The following CEP41 variants were observed in gnomAD, a reference collection of about 807,000 sequenced individuals.
CEP41 encodes the protein centrosomal protein of 41 kDa.
In CEP41, 32 loss-of-function variants were observed where a neutral mutation model predicts 44.3. That is an observed-to-expected ratio of 0.72 (90% CI 0.54 to 0.97). CEP41 has a LOEUF of 0.97. Ranked by LOEUF, CEP41 falls within the 50% of genes least tolerant of loss-of-function variation. The pLI is 0.00. For missense variants in CEP41, 432 were observed against 455.2 expected, an observed-to-expected ratio of 0.95 and a Z score of 0.46; for synonymous variants, 151 against 168.5, an observed-to-expected ratio of 0.90 and a Z score of 0.80.
chr7:130,434,704 AAC>A (rs1203332888), intron 1 of CEP41, among the ~76,000 whole-genome samples: 1 of 152,216 alleles, frequency 6.6e-6, no homozygotes, highest in African/African-American at 2.4e-5. Context: ...CAAATAGCAT[AAC>A]ACTATTTTTG....
rs540905883 is a variant in CEP41 at position 130,429,280 on chromosome 7, AGCTGAG to A, written c.34-1268_34-1263del. Reference sequence around the variant, plus strand: ...CGACCATGGCATCTGCTCTCGTGGCAGCTGAGGCTCACCTGGGGCTCAGTTCAAGTT... The same window carrying A: ...CGACCATGGCATCTGCTCTCGTGGCAGCTCACCTGGGGCTCAGTTCAAGTT... On this transcript the variant is annotated intron_variant, in intron 1 of 10. Transcript: ENST00000223208. Among the ~76,000 whole-genome samples, 14 of 152,316 alleles carry A rather than the reference AGCTGAG, an allele frequency of 9.2e-5. No homozygotes were observed. The South Asian group carries it at 2.9e-3, about 32-fold the overall frequency.
chr7:130,412,259 C>T lies in CEP41; in HGVS notation c.146-19G>A. 1 of 1,264,528 alleles carries T rather than the reference C, an allele frequency of 7.9e-7. No homozygotes were observed. The highest frequency in any genetic ancestry group is 1.2e-6 in the Non-Finnish European group (1 of 861,854). 78.3% of individuals were successfully genotyped at this position (1,264,528 alleles called of 1,614,324 possible). ...CTATAATCTGAAAAATATGGTAAGA[C>T]AAGTATTTATCTATTTTGCTTTTTT... On this transcript the variant is annotated intron_variant, in intron 3 of 10. Transcript: ENST00000223208.
intron 2 of CEP41, among the ~76,000 whole-genome samples, chr7:130,417,861 T>A (rs1797380845): frequency 6.6e-6 from 1 of 152,244 alleles, no homozygotes; most frequent in South Asian, 2.1e-4. Context: ...GAGGATCTAG[T>A]CAGATGCAGC....
chr7:130,394,874 C>G lies in CEP41; in HGVS notation c.*4017G>C, dbSNP rs934843838. On this transcript the variant is annotated 3_prime_UTR_variant, in exon 11 of 11. Transcript: ENST00000223208. ...ACATATTGATATCCTTTAAAAGATG[C>G]AGCCCATCCGTCCACAGCATTTGAG... 2.2e-6 allele frequency: 1 copy of G among 454,104 alleles called. No individual in the cohort carries two copies. Among genetic ancestry groups the G allele is most frequent in the African/African-American group, 2.0e-5 (1 of 50,120 alleles). 28.1% of individuals were successfully genotyped at this position (454,104 alleles called of 1,614,324 possible).
At chr7:130,406,832 C>A (rs117660076) in intron 5 of CEP41, among the ~76,000 whole-genome samples, 1 of 146,860 alleles carries the variant, frequency 6.8e-6, no homozygotes, top group East Asian at 2.0e-4. Context: ...GGTGGGGGGA[C>A]GGGGGAGGGA....
At chr7:130,423,337 G>C (rs911106970) in intron 2 of CEP41, among the ~76,000 whole-genome samples, 77 of 152,188 alleles carry the variant, frequency 5.1e-4, no homozygotes, top group African/African-American at 1.4e-3. Flanking sequence ...CTCCATAAGA[G>C]ATATACAAAT....
chr7:130,419,950 TACACACACACAC>T lies in CEP41; in HGVS notation c.98-2996_98-2985del, dbSNP rs138793861. On this transcript the variant is annotated intron_variant, in intron 2 of 10. Transcript: ENST00000223208. ...AAGCCAAGGACTATTTATGGGCACG[TACACACACACAC>T]ACACACACACGTATGAATAATCTTT... is the stretch of plus-strand genomic sequence containing the variant. The T allele has an allele frequency of 4.1e-6, 4 of 969,792 alleles. No individual in the cohort carries two copies. The East Asian group carries it at 3.5e-4, about 84-fold the overall frequency. The allele number at this position is 969,792 out of a possible 1,614,324, so 60.1% of individuals were successfully genotyped here.
At chr7:130,435,664 C>T (rs1554426006) in intron 1 of CEP41, among the ~76,000 whole-genome samples, 1 of 152,192 alleles carries the variant, frequency 6.6e-6, no homozygotes, top group Non-Finnish European at 1.5e-5. Flanking sequence ...TACAGCCTCT[C>T]TGGAAAAGTT....
At chr7:130,415,147 C>T (rs1376610255) in intron 3 of CEP41, among the ~76,000 whole-genome samples, 2 of 152,124 alleles carry the variant, frequency 1.3e-5, no homozygotes, top group African/African-American at 4.8e-5. Flanking sequence ...TTTCAGGGTT[C>T]TGTTGAAATG....
intron 2 of CEP41, among the ~76,000 whole-genome samples, chr7:130,425,112 T>C (rs1009259297): frequency 6.6e-6 from 1 of 152,188 alleles, no homozygotes; most frequent in Non-Finnish European, 1.5e-5. Context: ...TGTTCACTAT[T>C]ACCACAGGAA....
At position 130,399,020 on chromosome 7, in the gene CEP41, G is replaced by A. The variant is rs1554416175; in HGVS notation, c.993C>T (p.Asn331=). 1 of 1,614,146 alleles carries A rather than the reference G, an allele frequency of 6.2e-7. No homozygotes were observed. The highest frequency in any genetic ancestry group is 8.5e-7 in the Non-Finnish European group (1 of 1,180,044). ...ADHPSRLNQA[N]SSGRESKVPG... is the part of the protein sequence containing the mutation. ...GCACCTTGGACTCTCTTCCGGAGGAGTTAGCTTGGTTCAGTCGGCCTGAAG... is the reference window on the plus strand; with the variant it reads ...GCACCTTGGACTCTCTTCCGGAGGAATTAGCTTGGTTCAGTCGGCCTGAAG... The change falls in exon 11 of 11, where the codon AAC becomes AAT. Residue 331 remains asparagine, a synonymous_variant. Coordinates refer to ENST00000223208, the MANE Select transcript of CEP41 (RefSeq NM_018718.3).
intron 1 of CEP41, 81 bp downstream of exon 1, chr7:130,440,853 C>G: frequency 1.3e-6 from 2 of 1,548,280 alleles, no homozygotes; most frequent in Non-Finnish European, 1.8e-6. Context: ...GCGGAAGTCG[C>G]TGGCTGCTCT....
At chr7:130,415,433 G>A (rs1797304724) in intron 3 of CEP41, among the ~76,000 whole-genome samples, 1 of 152,234 alleles carries the variant, frequency 6.6e-6, no homozygotes, top group African/African-American at 2.4e-5. Flanking sequence ...CACAAAGTGT[G>A]TGAAATGGGG....
At chr7:130,401,821 A>G (rs1168044722) in intron 8 of CEP41, 60 bp downstream of exon 8, 38 of 1,150,854 alleles carry the variant, frequency 3.3e-5, no homozygotes, top group Middle Eastern at 4.0e-4. Flanking sequence ...GTGGTTCATG[A>G]TAACTTTGAT....
chr7:130,395,567 A>G lies in CEP41; in HGVS notation c.*3324T>C, dbSNP rs1554414146. The G allele has an allele frequency of 2.2e-6, 1 of 454,122 alleles. No homozygotes were observed. The highest frequency in any genetic ancestry group is 4.4e-6 in the Non-Finnish European group (1 of 226,790). 28.1% of individuals were successfully genotyped at this position (454,122 alleles called of 1,614,324 possible). ...GCTCTAAAAAAGTCAGATAACATAA[A>G]AGACAGAATCTATAGCCAATAAACA... is the stretch of plus-strand genomic sequence containing the variant. On this transcript the variant is annotated 3_prime_UTR_variant, in exon 11 of 11. Coordinates refer to ENST00000223208, the MANE Select transcript of CEP41 (RefSeq NM_018718.3).
In CEP41 at chr7:130,401,881, A is replaced by G. The variant is rs1796853773; in HGVS notation, c.642T>C (p.Tyr214=). 1 of 1,580,704 alleles carries G rather than the reference A, an allele frequency of 6.3e-7. No individual in the cohort carries two copies. The highest frequency in any genetic ancestry group is 8.7e-7 in the Non-Finnish European group (1 of 1,149,570). ...TTCCTTAAAATGCAACAAAGGATAC[A>G]TATTCAAGAATATCATTTGAATAAG... The part of the protein sequence containing the change: ...MNPYSNDILE[Y]KNAHGKIIIL... The change falls in exon 8 of 11, where the codon TAT becomes TAC. Residue 214 remains tyrosine, a splice_region_variant and synonymous_variant. Transcript: ENST00000223208.
At position 130,396,768 on chromosome 7, in the gene CEP41, A is replaced by C. The variant is rs1348605751; in HGVS notation, c.*2123T>G. ...TCCTTACCAACAGGGCAAAGCAAGC[A>C]CTGTGGAGAAATACACATAAATATA... On this transcript the variant is annotated 3_prime_UTR_variant, in exon 11 of 11. Transcript: ENST00000223208. 1.3e-5 allele frequency: 6 copies of C among 454,286 alleles called. No individual in the cohort carries two copies. In the Admixed American group the frequency reaches 1.4e-4, roughly 11 times the overall value. 28.1% of individuals were successfully genotyped at this position (454,286 alleles called of 1,614,324 possible).
chr7:130,422,063 G>C, intron 2 of CEP41: 1 of 1,532,054 alleles, frequency 6.5e-7, no homozygotes, highest in South Asian at 1.2e-5. Context: ...TTCTAGCCAT[G>C]GCTGCACTCA....
At chr7:130,429,605 A>C (rs1293195008) in intron 1 of CEP41, among the ~76,000 whole-genome samples, 1 of 152,184 alleles carries the variant, frequency 6.6e-6, no homozygotes, top group Non-Finnish European at 1.5e-5. Flanking sequence ...TCATGTTCCC[A>C]TGTTGAAGTT....
Sources: gnomAD v4.1 joint callset for allele counts (sites outside exome capture counted in the v4.1 genomes callset) on GRCh38, gnomAD v4.1.1 for gene constraint, MANE v1.5 for transcripts, NCBI Gene and HGNC (gene_info 2026-07-23, HGNC 2026-07-21) for gene names.